The following SPRY2 variants were observed in gnomAD, a reference collection of about 807,000 sequenced individuals.
The protein encoded by SPRY2 is protein sprouty homolog 2.
SPRY2 carries 10 observed loss-of-function variants against 23.4 expected under a neutral mutation model. The observed-to-expected ratio is 0.43, with a 90% CI of 0.26 to 0.73. SPRY2 has a LOEUF of 0.73. Among genes scored for constraint, SPRY2 ranks in the 30% least tolerant of loss-of-function variants. SPRY2 has a pLI of 0.22. For synonymous variants in SPRY2, 170 were observed against 156.9 expected (o/e 1.08, Z -0.62); for missense variants, 344 against 396.9 (o/e 0.87, Z 1.13).
chr13:80,340,041 G>C (rs1046154962), intron 1 of SPRY2, among the ~76,000 whole-genome samples: 1 of 152,170 alleles, frequency 6.6e-6, no homozygotes, highest in African/African-American at 2.4e-5. Flanking sequence ...CCCGCTCCGG[G>C]CTAGACTGTC....
In SPRY2 at chr13:80,336,935, A is replaced by G. The variant is rs1362128116; in HGVS notation, c.771T>C (p.Gly257=). ...SHCCTRWSAM[G]VMSLFLPCLW... ...AACAAGGCAAAAAGAGGGACATGAC[A>G]CCCATGGCTGACCATCGTGTACAAC... is the stretch of plus-strand genomic sequence containing the variant. Residue 257 remains glycine, a synonymous_variant, in exon 2 of 2, where the codon GGT becomes GGC. Coordinates refer to ENST00000377104, the MANE Select transcript of SPRY2 (RefSeq NM_005842.4). The G allele has an allele frequency of 6.2e-7, 1 of 1,614,086 alleles. No homozygotes were observed.
chr13:80,338,442 A>G (rs757913226), intron 1 of SPRY2, among the ~76,000 whole-genome samples: 5 of 152,228 alleles, frequency 3.3e-5, no homozygotes, highest in Non-Finnish European at 5.9e-5. Context: ...AGAAGAAGAC[A>G]TGAATTTATT....
chr13:80,336,992 A>G lies in SPRY2; in HGVS notation c.714T>C (p.Ala238=). 6.2e-7 allele frequency: 1 copy of G among 1,614,268 alleles called. No individual in the cohort carries two copies. Among genetic ancestry groups the G allele is most frequent in the South Asian group, 1.1e-5 (1 of 91,090 alleles). Residue 238 remains alanine, a synonymous_variant, in exon 2 of 2, where the codon GCT becomes GCC. Coordinates refer to ENST00000377104, the MANE Select transcript of SPRY2 (RefSeq NM_005842.4). ...HCSNDDEDNC[A]DNPCSCSQSH... ...ACTGGCTGCAAGAACATGGGTTGTC[A>G]GCACAGTTGTCCTCATCATCATTAG...
At position 80,336,785 on chromosome 13, in the gene SPRY2, G is replaced by C; in HGVS notation, c.921C>G (p.Pro307=). 1 of 1,614,096 alleles carries C rather than the reference G, an allele frequency of 6.2e-7. No individual in the cohort carries two copies. The highest frequency in any genetic ancestry group is 1.3e-5 in the African/African-American group (1 of 75,034). ...ATGTTGGTTTTTCAAAGTTCCTAGGGGGGACAGTGGGAACTTTGCAGCAAA... is the reference window on the plus strand; with the variant it reads ...ATGTTGGTTTTTCAAAGTTCCTAGGCGGGACAGTGGGAACTTTGCAGCAAA... ...NTVCCKVPTV[P]PRNFEKPT is the part of the protein sequence containing the mutation. The change falls in exon 2 of 2, where the codon CCC becomes CCG. Residue 307 remains proline, a synonymous_variant. Transcript: ENST00000377104.
chr13:80,337,673 C>G lies in SPRY2; in HGVS notation c.33G>C (p.Ser11=), dbSNP rs145173125. Residue 11 remains serine (S), a synonymous_variant, in exon 2 of 2, where the codon TCG becomes TCC. Transcript: ENST00000377104. MEARAQSGNG[S]QPLLQTPRDG... is the part of the protein sequence containing the mutation. ...CACGGGGCGTCTGCAGCAAGGGCTG[C>G]GACCCGTTGCCACTCTGAGCTCTGG... 1 of 1,612,518 alleles carries G rather than the reference C, an allele frequency of 6.2e-7. No homozygotes were observed. The highest frequency in any genetic ancestry group is 1.7e-5 in the Admixed American group (1 of 59,996).
Position 80,337,634 on chromosome 13 carries a change from C to A in SPRY2, c.72G>T (p.Gln24His). The part of the protein sequence containing the change: ...LLQTPRDGGR[Q>H]RGEPDPRDAL... ...CGTCTCTGGGGTCGGGCTCCCCACG[C>A]TGTCTGCCACCGTCACGGGGCGTCT... is the stretch of plus-strand genomic sequence containing the variant. The change falls in exon 2 of 2, where the codon CAG (glutamine) becomes CAT (histidine). Residue 24 changes from glutamine (Q) to histidine (H), a missense_variant. Gln to His is a conservative substitution (Grantham distance 24). Coordinates refer to ENST00000377104, the MANE Select transcript of SPRY2 (RefSeq NM_005842.4). 1 of 1,614,052 alleles carries A rather than the reference C, an allele frequency of 6.2e-7. No individual in the cohort carries two copies. The highest frequency in any genetic ancestry group is 8.5e-7 in the Non-Finnish European group (1 of 1,180,044).
chr13:80,336,876 T>C lies in SPRY2; in HGVS notation c.830A>G (p.Lys277Arg). ...CCGGTCATAACACCCCTGGCACAAT[T>C]TAAGGCAACCCTTGGCTGGAAGGTA... ...WCYLPAKGCL[K>R]LCQGCYDRVN... The change falls in exon 2 of 2, where the codon AAA becomes AGA. Residue 277 changes from lysine (K) to arginine (R), a missense_variant. Lys to Arg is a conservative substitution (Grantham distance 26). Transcript: ENST00000377104. 6.2e-7 allele frequency: 1 copy of C among 1,614,062 alleles called. No individual in the cohort carries two copies.
chr13:80,341,000 T>C lies in SPRY2; in HGVS notation c.-430A>G, dbSNP rs987000294. The C allele has an allele frequency of 4.7e-5, 7 of 149,434 alleles. No individual in the cohort carries two copies. The highest frequency in any genetic ancestry group is 9.0e-5 in the Non-Finnish European group (6 of 66,950). 9.3% of individuals were successfully genotyped at this position (149,434 alleles called of 1,614,324 possible). A position where few individuals can be genotyped will look rare whatever the true frequency, so the allele number is the denominator to read the frequency against. On this transcript the variant is annotated 5_prime_UTR_variant, in exon 1 of 2. Transcript: ENST00000377104. ...AAGTGGTGCGGCCGGGGCCGCGTCG[T>C]AGCGGAGGCGGCGCGGGGGCGCGGG...
At chr13:80,339,314 G>A (rs1339599023) in intron 1 of SPRY2, 2 of 151,972 alleles carry the variant, frequency 1.3e-5, no homozygotes, top group Non-Finnish European at 1.5e-5. Flanking sequence ...GCGACTCCAC[G>A]CTGCACTGAC....
intron 1 of SPRY2, chr13:80,338,911 C>G (rs1476919849): frequency 6.6e-6 from 1 of 152,364 alleles, no homozygotes; most frequent in Non-Finnish European, 1.5e-5. Context: ...TGCCCCAACA[C>G]CGTCCCCAGC....
Position 80,336,950 on chromosome 13 carries a change from T to A in SPRY2, c.756A>T (p.Arg252=). Residue 252 remains arginine (R), a synonymous_variant, in exon 2 of 2, where the codon CGA becomes CGT. Transcript: ENST00000377104. ...GGGACATGACACCCATGGCTGACCA[T>A]CGTGTACAACAGTGAGACTGGCTGC... ...CSCSQSHCCT[R]WSAMGVMSLF... The A allele has an allele frequency of 1.2e-6, 2 of 1,614,178 alleles. No homozygotes were observed. Among genetic ancestry groups the A allele is most frequent in the Non-Finnish European group, 1.7e-6 (2 of 1,180,024 alleles).
chr13:80,340,407 C>A (rs1302363261), intron 1 of SPRY2, among the ~76,000 whole-genome samples: 1 of 152,246 alleles, frequency 6.6e-6, no homozygotes, highest in Non-Finnish European at 1.5e-5. Flanking sequence ...GCACGGGGTG[C>A]ATACAGAAGT....
intron 1 of SPRY2, among the ~76,000 whole-genome samples, chr13:80,338,202 T>C (rs1880359036): frequency 6.6e-6 from 1 of 152,236 alleles, no homozygotes. Flanking sequence ...GAAGATTCTT[T>C]CTTGGTTCTT....
In SPRY2 at chr13:80,341,023, G is replaced by A. The variant is rs1263952170; in HGVS notation, c.-453C>T. The A allele has an allele frequency of 6.8e-6, 1 of 148,028 alleles. No homozygotes were observed. The highest frequency in any genetic ancestry group is 1.5e-5 in the Non-Finnish European group (1 of 66,214). 9.2% of individuals were successfully genotyped at this position (148,028 alleles called of 1,614,324 possible). Reference sequence around the variant, plus strand: ...CGTAGCGGAGGCGGCGCGGGGGCGCGGGCCGGGCCGGGCCGGGCGGGCGCG... The same window carrying A: ...CGTAGCGGAGGCGGCGCGGGGGCGCAGGCCGGGCCGGGCCGGGCGGGCGCG... On this transcript the variant is annotated 5_prime_UTR_variant, in exon 1 of 2. Transcript: ENST00000377104.
chr13:80,339,699 T>G (rs979412713), intron 1 of SPRY2: 1 of 151,756 alleles, frequency 6.6e-6, no homozygotes, highest in East Asian at 1.9e-4. Context: ...TTAAGAACAG[T>G]GTGTGATCAG....
rs1163136331 is a variant in SPRY2, at chr13:80,336,024, A to G, written c.*734T>C. The G allele has an allele frequency of 6.6e-6, 1 of 152,192 alleles. No homozygotes were observed. Among genetic ancestry groups the G allele is most frequent in the African/African-American group, 2.4e-5 (1 of 41,456 alleles). The allele number at this position is 152,192 out of a possible 1,614,324, so 9.4% of individuals were successfully genotyped here. On this transcript the variant is annotated 3_prime_UTR_variant, in exon 2 of 2. Coordinates refer to ENST00000377104, the MANE Select transcript of SPRY2 (RefSeq NM_005842.4). ...TTTCTATTTTATATTGGACATATGC[A>G]TCTGTAACCCCTCATTTGCAGCAAC...
intron 1 of SPRY2, among the ~76,000 whole-genome samples, chr13:80,338,427 T>TA (rs752176801): frequency 6.6e-6 from 1 of 152,158 alleles, no homozygotes; most frequent in Non-Finnish European, 1.5e-5. Flanking sequence ...AAAGCAAACT[T>TA]AACAAGAAGA....
At position 80,336,837 on chromosome 13, in the gene SPRY2, C is replaced by T; in HGVS notation, c.869G>A (p.Gly290Asp). The T allele has an allele frequency of 6.2e-7, 1 of 1,614,126 alleles. No individual in the cohort carries two copies. Among genetic ancestry groups the T allele is most frequent in the Non-Finnish European group, 8.5e-7 (1 of 1,180,026 alleles). The change falls in exon 2 of 2, where the codon GGT (glycine) becomes GAT (aspartate). Residue 290 changes from glycine (G) to aspartate (D), a missense_variant. Physicochemically the swap from Gly to Asp is moderately conservative, Grantham distance 94. Transcript: ENST00000377104. ...QGCYDRVNRP[G>D]CRCKNSNTVC... is the part of the protein sequence containing the mutation. ...TGTGTTTGAGTTTTTACAGCGGCAACCAGGCCTGTTAACCCGGTCATAACA... is the reference window on the plus strand; with the variant it reads ...TGTGTTTGAGTTTTTACAGCGGCAATCAGGCCTGTTAACCCGGTCATAACA...
Position 80,336,718 on chromosome 13 carries a change from GA to G in SPRY2, c.*39del. On this transcript the variant is annotated 3_prime_UTR_variant, in exon 2 of 2. Coordinates refer to ENST00000377104, the MANE Select transcript of SPRY2 (RefSeq NM_005842.4). ...TGCATATGTGTATTAAAAAAAGAAA[GA>G]AAAAATCCTCATTACTGTAATATTC... 3 of 1,580,902 alleles carry G rather than the reference GA, an allele frequency of 1.9e-6. No individual in the cohort carries two copies. The highest frequency in any genetic ancestry group is 2.6e-6 in the Non-Finnish European group (3 of 1,157,852).
Sources: allele counts gnomAD v4.1 joint callset (sites outside exome capture counted in the v4.1 genomes callset), GRCh38; gene constraint gnomAD v4.1.1; transcripts MANE v1.5; gene names NCBI Gene and HGNC (gene_info 2026-07-23, HGNC 2026-07-21).